The following PARD3 variants were observed in gnomAD, a reference collection of about 807,000 sequenced individuals.
The protein encoded by PARD3 is par-3 family cell polarity regulator.
Under a neutral mutation model 155.4 loss-of-function variants are expected in PARD3, and 75 were observed. The observed-to-expected ratio is 0.48, with a 90% CI of 0.40 to 0.58. PARD3 has a LOEUF of 0.58. PARD3 is among the 20% of genes least tolerant of loss of function. The pLI, the probability that PARD3 is intolerant of heterozygous loss-of-function variation, is 0.00. For missense variants in PARD3, 1,642 were observed against 1,721.7 expected, an observed-to-expected ratio of 0.95 and a Z score of 0.82; for synonymous variants, 576 against 610.5, an observed-to-expected ratio of 0.94 and a Z score of 0.83.
In PARD3 at chr10:34,232,682, T is replaced by C. The variant is rs188271790; in HGVS notation, c.3419+36975A>G. Among the ~76,000 whole-genome samples, 99 of 152,234 alleles carry C rather than the reference T, an allele frequency of 6.5e-4. 2 individuals carry two copies. The highest frequency in any genetic ancestry group is 2.3e-3 in the African/African-American group (95 of 41,492). On this transcript the variant is annotated intron_variant, in intron 22 of 24. Coordinates refer to ENST00000374788, the MANE Select transcript of PARD3 (RefSeq NM_001184785.2). ...AAGGGTAGGTAGGATTGTTGCCTCCTGGCAGGTATAGTCAAATGTTTTCCT... is the reference window on the plus strand; with the variant it reads ...AAGGGTAGGTAGGATTGTTGCCTCCCGGCAGGTATAGTCAAATGTTTTCCT...
chr10:34,319,956 T>G (rs1958276357), intron 19 of PARD3, among the ~76,000 whole-genome samples: 1 of 152,188 alleles, frequency 6.6e-6, no homozygotes, highest in South Asian at 2.1e-4. Context: ...TTTGTATAAT[T>G]CCTGCATGGA....
intron 2 of PARD3, among the ~76,000 whole-genome samples, chr10:34,594,036 T>C (rs1293460623): frequency 2.0e-5 from 3 of 152,198 alleles, no homozygotes; most frequent in African/African-American, 4.8e-5. Context: ...CCATTTTTCA[T>C]AGATTTGCAT....
intron 2 of PARD3, among the ~76,000 whole-genome samples, chr10:34,690,553 C>A (rs1261099127): frequency 1.3e-5 from 2 of 152,158 alleles, no homozygotes; most frequent in African/African-American, 4.8e-5. Flanking sequence ...GTTCAGCATT[C>A]TCAGAAGCAT....
At chr10:34,194,715 G>T (rs746651840) in intron 22 of PARD3, among the ~76,000 whole-genome samples, 1 of 148,986 alleles carries the variant, frequency 6.7e-6, no homozygotes, top group Non-Finnish European at 1.5e-5. Context: ...GATGAAATGT[G>T]TAAGTTATTA....
chr10:34,446,374 A>G (rs1014740007), intron 5 of PARD3, among the ~76,000 whole-genome samples: 2 of 152,132 alleles, frequency 1.3e-5, no homozygotes, highest in Admixed American at 6.5e-5. Flanking sequence ...ATTTCTAGGT[A>G]CCAGCCCTGA....
chr10:34,427,260 T>C (rs1365664868), intron 5 of PARD3, among the ~76,000 whole-genome samples: 1 of 152,206 alleles, frequency 6.6e-6, no homozygotes, highest in African/African-American at 2.4e-5. Context: ...AAGAGAAATA[T>C]TGCGGAATTC....
intron 2 of PARD3, among the ~76,000 whole-genome samples, chr10:34,669,748 T>C (rs142415581): frequency 6.6e-6 from 1 of 152,320 alleles, no homozygotes; most frequent in East Asian, 1.9e-4. Context: ...AATGACTTGA[T>C]GTTCTGAGTA....
intron 20 of PARD3, among the ~76,000 whole-genome samples, chr10:34,295,181 T>C: frequency 6.6e-6 from 1 of 152,210 alleles, no homozygotes; most frequent in East Asian, 1.9e-4. Flanking sequence ...AAATATTATT[T>C]ACGACTCAAC....
intron 2 of PARD3, among the ~76,000 whole-genome samples, chr10:34,606,740 C>T (rs949992615): frequency 1.4e-4 from 21 of 151,028 alleles, no homozygotes; most frequent in African/African-American, 3.2e-4. Flanking sequence ...GAGGCCAAGG[C>T]GGGCAGATCA....
At chr10:34,297,742 T>C (rs1283379193) in intron 20 of PARD3, among the ~76,000 whole-genome samples, 1 of 152,204 alleles carries the variant, frequency 6.6e-6, no homozygotes, top group East Asian at 1.9e-4. Flanking sequence ...AGCTGCACTT[T>C]CAGAGGCCCG....
intron 1 of PARD3, among the ~76,000 whole-genome samples, chr10:34,806,786 G>C (rs2134387313): frequency 6.6e-6 from 1 of 152,296 alleles, no homozygotes; most frequent in East Asian, 1.9e-4. Flanking sequence ...ATAACCATCT[G>C]AAAAGCCACT....
intron 1 of PARD3, among the ~76,000 whole-genome samples, chr10:34,789,075 A>G (rs1841330585): frequency 6.6e-6 from 1 of 152,266 alleles, no homozygotes. Context: ...ACTTCCCAAC[A>G]ATAGTTAACT....
At chr10:34,396,346 C>T (rs548586068) in intron 7 of PARD3, among the ~76,000 whole-genome samples, 8 of 151,836 alleles carry the variant, frequency 5.3e-5, no homozygotes, top group Non-Finnish European at 1.0e-4. Flanking sequence ...TCAAAAAAAA[C>T]CAAAAAACAA....
chr10:34,457,830 G>A (rs547298883), intron 4 of PARD3, among the ~76,000 whole-genome samples: 1 of 152,100 alleles, frequency 6.6e-6, no homozygotes, highest in African/African-American at 2.4e-5. Flanking sequence ...TAAACTCCTG[G>A]GTTCAAAAGA....
rs537418057 is a variant in PARD3, at chr10:34,736,351, T to C, written c.121-39932A>G. 4.9e-3 allele frequency among the ~76,000 whole-genome samples: 671 copies of C among 136,018 alleles called. 5 individuals carry two copies. The highest frequency in any genetic ancestry group is 0.018 in the African/African-American group (639 of 34,908). 89.2% of individuals were successfully genotyped at this position (136,018 alleles called of 152,430 possible). A position where few individuals can be genotyped will look rare whatever the true frequency, so the allele number is the denominator to read the frequency against. ...GGCCCTTTTTTTTTTTTTTTGGTGA[T>C]AGGGTCTTGCTCTGTCACCCAGGCT... On this transcript the variant is annotated intron_variant, in intron 1 of 24. Transcript: ENST00000374788.
At chr10:34,722,793 G>T (rs2094629341) in intron 1 of PARD3, among the ~76,000 whole-genome samples, 1 of 152,134 alleles carries the variant, frequency 6.6e-6, no homozygotes, top group African/African-American at 2.4e-5. Context: ...TGAGGCAGAA[G>T]GCAGGATATT....
At chr10:34,218,132 C>T (rs1298799817) in intron 22 of PARD3, among the ~76,000 whole-genome samples, 2 of 152,184 alleles carry the variant, frequency 1.3e-5, no homozygotes, top group African/African-American at 4.8e-5. Flanking sequence ...GCACACCTGA[C>T]TGTTGGTCTT....
At chr10:34,431,493 G>A (rs966677039) in intron 5 of PARD3, among the ~76,000 whole-genome samples, 13 of 152,320 alleles carry the variant, frequency 8.5e-5, no homozygotes, top group African/African-American at 2.9e-4. Context: ...TGTAATCCCA[G>A]CACTTTGGGA....
At chr10:34,308,055 G>C (rs1284511577) in intron 20 of PARD3, among the ~76,000 whole-genome samples, 1 of 152,168 alleles carries the variant, frequency 6.6e-6, no homozygotes, top group Non-Finnish European at 1.5e-5. Flanking sequence ...CCTGAGAAAA[G>C]GCTATTCCAG....
Sources: gnomAD v4.1 joint callset for allele counts (sites outside exome capture counted in the v4.1 genomes callset) on GRCh38, gnomAD v4.1.1 for gene constraint, MANE v1.5 for transcripts, NCBI Gene and HGNC (gene_info 2026-07-23, HGNC 2026-07-21) for gene names.